Variants in EXOC4 observed in about 807,000 individuals in gnomAD.
The protein encoded by EXOC4 is exocyst complex component 4.
Under a neutral mutation model 107.2 loss-of-function variants are expected in EXOC4, and 71 were observed. That is an observed-to-expected ratio of 0.66 (90% CI 0.55 to 0.81). The LOEUF is 0.81. EXOC4 is among the 30% of genes least tolerant of loss of function. EXOC4 has a pLI of 0.00. For missense variants in EXOC4, 1,108 were observed against 1,189.6 expected, an observed-to-expected ratio of 0.93 and a Z score of 1.01; for synonymous variants, 456 against 441.2, an observed-to-expected ratio of 1.03 and a Z score of -0.42.
intron 11 of EXOC4, among the ~76,000 whole-genome samples, chr7:133,837,487 A>G (rs1322117366): frequency 5.3e-5 from 8 of 152,172 alleles, no homozygotes; most frequent in Non-Finnish European, 1.0e-4. Context: ...GGCAGAAGTC[A>G]TTTTGTCATC....
chr7:134,075,969 G>T, the EXOC4 span, among the ~76,000 whole-genome samples: 1 of 152,154 alleles, frequency 6.6e-6, no homozygotes, highest in African/African-American at 2.4e-5. Context: ...GTTGTTTAAA[G>T]CCATTGACAT....
At chr7:133,721,487 A>C (rs912676413) in intron 10 of EXOC4, among the ~76,000 whole-genome samples, 16 of 152,174 alleles carry the variant, frequency 1.1e-4, no homozygotes, top group African/African-American at 3.9e-4. Context: ...ATGTTGTCAG[A>C]GGCCAGATTT....
chr7:134,096,938 T>C, the EXOC4 span, among the ~76,000 whole-genome samples: 2 of 152,038 alleles, frequency 1.3e-5, no homozygotes, highest in Non-Finnish European at 2.9e-5. Flanking sequence ...TGACACTCAA[T>C]ATTAACCATC....
At chr7:133,619,211 A>G (rs1377478536) in intron 9 of EXOC4, among the ~76,000 whole-genome samples, 1 of 152,122 alleles carries the variant, frequency 6.6e-6, no homozygotes, top group Non-Finnish European at 1.5e-5. Context: ...ATGTTTTGCA[A>G]CCTGTATTTT....
At chr7:134,001,353 A>C (rs1028648379) in intron 15 of EXOC4, among the ~76,000 whole-genome samples, 4 of 152,204 alleles carry the variant, frequency 2.6e-5, no homozygotes, top group African/African-American at 9.6e-5. Flanking sequence ...TGTAATCAGC[A>C]GTGTTTGCAG....
rs1260368710 is a variant in EXOC4 at position 133,641,605 on chromosome 7, C to T, written c.1514+11464C>T. On this transcript the variant is annotated intron_variant, in intron 10 of 17. Coordinates refer to ENST00000253861, the MANE Select transcript of EXOC4 (RefSeq NM_021807.4). ...AGCCTCTCCTGGTGGCTGCCAGTAT[C>T]GCTGTCACCTGCAATGCTTTGCCAA... Among the ~76,000 whole-genome samples the T allele has an allele frequency of 2.0e-5, 3 of 152,140 alleles. No homozygotes were observed. In the East Asian group the frequency reaches 5.8e-4, roughly 29 times the overall value.
chr7:133,534,593 C>A (rs1219480495), intron 9 of EXOC4, among the ~76,000 whole-genome samples: 1 of 152,106 alleles, frequency 6.6e-6, no homozygotes, highest in Non-Finnish European at 1.5e-5. Flanking sequence ...GAAATGTTTT[C>A]TCTGCAGTTT....
At chr7:133,541,029 C>T (rs767095832) in intron 9 of EXOC4, among the ~76,000 whole-genome samples, 57 of 151,946 alleles carry the variant, frequency 3.8e-4, no homozygotes, top group Non-Finnish European at 3.4e-4. Context: ...TAAGGAAAAC[C>T]GTGGCACATC....
chr7:133,721,315 T>C (rs1795100453), intron 10 of EXOC4, among the ~76,000 whole-genome samples: 2 of 152,188 alleles, frequency 1.3e-5, no homozygotes. Context: ...CTTTTGAGTG[T>C]TACCTGTTTG....
intron 10 of EXOC4, among the ~76,000 whole-genome samples, chr7:133,700,315 T>G (rs78731425): frequency 2.0e-4 from 30 of 150,968 alleles, no homozygotes; most frequent in African/African-American, 6.6e-4. Flanking sequence ...TGAGGGACTA[T>G]TTTTTTTTAA....
At chr7:133,382,764 A>G (rs576838205) in intron 7 of EXOC4, among the ~76,000 whole-genome samples, 4 of 152,184 alleles carry the variant, frequency 2.6e-5, no homozygotes, top group Non-Finnish European at 4.4e-5. Flanking sequence ...AATTCTTTGT[A>G]TAGTAAATTA....
intron 7 of EXOC4, among the ~76,000 whole-genome samples, chr7:133,428,544 ATTCTT>A (rs1475862040): frequency 6.6e-6 from 1 of 152,186 alleles, no homozygotes; most frequent in Non-Finnish European, 1.5e-5. Flanking sequence ...GCTCTATTCT[ATTCTT>A]ATTTTATTAT....
chr7:133,353,181 CACT>C (rs1240324540), intron 5 of EXOC4, among the ~76,000 whole-genome samples: 1 of 152,014 alleles, frequency 6.6e-6, no homozygotes, highest in Non-Finnish European at 1.5e-5. Flanking sequence ...CTTGTTGTAA[CACT>C]ACTAATTTTT....
At chr7:133,922,879 T>C (rs943322142) in intron 13 of EXOC4, among the ~76,000 whole-genome samples, 11 of 151,788 alleles carry the variant, frequency 7.2e-5, no homozygotes, top group African/African-American at 2.4e-4. Flanking sequence ...ACATGTGTGT[T>C]TCTATGTGTG....
At chr7:133,371,383 A>G (rs1383060895) in intron 6 of EXOC4, among the ~76,000 whole-genome samples, 6 of 152,146 alleles carry the variant, frequency 3.9e-5, no homozygotes, top group South Asian at 4.1e-4. Context: ...AATCCCGTAT[A>G]CTTATCAGTC....
intron 7 of EXOC4, among the ~76,000 whole-genome samples, chr7:133,437,148 A>G (rs189292480): frequency 1.3e-5 from 2 of 152,310 alleles, no homozygotes; most frequent in East Asian, 3.9e-4. Context: ...TAAAGAAAGT[A>G]CTGAAAATAT....
Position 133,297,245 on chromosome 7 carries a change from G to A in EXOC4, c.471+8129G>A, listed in dbSNP as rs1185069157. Among the ~76,000 whole-genome samples, 3 of 152,160 alleles carry A rather than the reference G, an allele frequency of 2.0e-5. No individual in the cohort carries two copies. The East Asian group carries it at 5.8e-4, about 29-fold the overall frequency. On this transcript the variant is annotated intron_variant, in intron 3 of 17. Transcript: ENST00000253861. ...GGTCAAATCGGTTTAGTAGTTAAATGAGATGATTTAGTAGTTAACTCACTT... is the reference window on the plus strand; with the variant it reads ...GGTCAAATCGGTTTAGTAGTTAAATAAGATGATTTAGTAGTTAACTCACTT...
chr7:133,918,915 A>T (rs1306362018), intron 13 of EXOC4, among the ~76,000 whole-genome samples: 1 of 152,242 alleles, frequency 6.6e-6, no homozygotes, highest in Non-Finnish European at 1.5e-5. Flanking sequence ...CCATGTTTTC[A>T]TTCATCACAG....
chr7:133,454,529 T>C (rs1015774886), intron 7 of EXOC4, among the ~76,000 whole-genome samples: 2 of 152,176 alleles, frequency 1.3e-5, no homozygotes, highest in African/African-American at 4.8e-5. Context: ...ACTCCTGGCC[T>C]CAAGTGATCT....
Sources: allele counts gnomAD v4.1 joint callset (sites outside exome capture counted in the v4.1 genomes callset), GRCh38; gene constraint gnomAD v4.1.1; transcripts MANE v1.5; gene names NCBI Gene and HGNC (gene_info 2026-07-23, HGNC 2026-07-21).